The following SPRY3 variants were observed in gnomAD, a reference collection of about 807,000 sequenced individuals.
The protein encoded by SPRY3 is protein sprouty homolog 3.
A neutral mutation model predicts 20.2 loss-of-function variants in SPRY3; 15 were observed. That is an observed-to-expected ratio of 0.74 (90% confidence interval 0.50 to 1.14). The LOEUF (loss-of-function observed/expected upper bound fraction) is 1.14, where lower values mean the gene tolerates loss of function less well. SPRY3 is among the 50% of genes most tolerant of loss of function. SPRY3 has a pLI of 0.00. For synonymous variants in SPRY3, 143 were observed against 136.5 expected, an observed-to-expected ratio of 1.05 and a Z score of -0.33; for missense variants, 364 against 363.9, an observed-to-expected ratio of 1.00 and a Z score of 0.00.
chrX:155,729,554 A>G (rs985823269), intron 2 of SPRY3, among the ~76,000 whole-genome samples: 14 of 152,112 alleles, frequency 9.2e-5, no homozygotes, highest in Non-Finnish European at 2.1e-4. Context: ...TATGAGATAC[A>G]GCAAAAGCAC....
intron 2 of SPRY3, among the ~76,000 whole-genome samples, chrX:155,762,366 C>T (rs1012084406): frequency 1.3e-5 from 2 of 151,944 alleles, no homozygotes; most frequent in African/African-American, 4.8e-5. Context: ...TGATAAATAC[C>T]GTAAGAGAAG....
chrX:155,755,391 C>A (rs1268735614), intron 2 of SPRY3, among the ~76,000 whole-genome samples: 2 of 152,066 alleles, frequency 1.3e-5, no homozygotes, highest in Admixed American at 1.3e-4. Context: ...TAGACATTAA[C>A]CCTAATGTAG....
At chrX:155,751,718 A>G (rs1363023941) in intron 2 of SPRY3, among the ~76,000 whole-genome samples, 11 of 97,478 alleles carry the variant, frequency 1.1e-4, no homozygotes, top group African/African-American at 7.3e-4. Flanking sequence ...AATTGCCAAA[A>G]TATTTCCCCT....
intron 3 of SPRY3, among the ~76,000 whole-genome samples, chrX:155,771,594 C>A (rs1354140447): frequency 1.3e-5 from 2 of 152,138 alleles, no homozygotes; most frequent in African/African-American, 2.4e-5. Flanking sequence ...AAATCTATTT[C>A]TCATAAATTT....
chrX:155,769,621 G>C (rs1178274753), intron 3 of SPRY3, among the ~76,000 whole-genome samples: 4 of 152,000 alleles, frequency 2.6e-5, no homozygotes, highest in Non-Finnish European at 5.9e-5. Context: ...GAATTCATTT[G>C]GTATTACAAA....
intron 2 of SPRY3, among the ~76,000 whole-genome samples, chrX:155,765,254 T>C (rs1201371995): frequency 6.6e-6 from 1 of 150,822 alleles, no homozygotes; most frequent in African/African-American, 2.5e-5. Context: ...GGTTGGATAC[T>C]GTGGTATAGT....
At chrX:155,770,333 C>T (rs1002249598) in intron 3 of SPRY3, among the ~76,000 whole-genome samples, 14 of 152,154 alleles carry the variant, frequency 9.2e-5, no homozygotes, top group African/African-American at 3.1e-4. Context: ...GGAGAAAATA[C>T]ATTTTCTTTC....
At chrX:155,671,330 G>A (rs920052482) in intron 2 of SPRY3, among the ~76,000 whole-genome samples, 1 of 110,732 alleles carries the variant, frequency 9.0e-6, no homozygotes, top group Non-Finnish European at 1.9e-5. Flanking sequence ...TGATCTCAGA[G>A]GCAAGGAACC....
chrX:155,758,671 A>G (rs1367639363), intron 2 of SPRY3, among the ~76,000 whole-genome samples: 4 of 152,298 alleles, frequency 2.6e-5, no homozygotes, highest in South Asian at 4.2e-4. Flanking sequence ...CCTGGGAGAA[A>G]GAGAATGAGG....
At chrX:155,722,986 A>T (rs1309331699) in intron 2 of SPRY3, among the ~76,000 whole-genome samples, 1 of 147,516 alleles carries the variant, frequency 6.8e-6, no homozygotes, top group East Asian at 2.0e-4. Flanking sequence ...CCTGTGTCCA[A>T]GTGTTCTCAT....
intron 1 of SPRY3, among the ~76,000 whole-genome samples, chrX:155,645,619 A>G (rs904319384): frequency 1.8e-5 from 2 of 112,162 alleles, no homozygotes; most frequent in African/African-American, 3.2e-5. Context: ...GTTCAATGCA[A>G]TGTCTCACAG....
At chrX:155,735,283 GATA>G (rs1368365278) in intron 2 of SPRY3, among the ~76,000 whole-genome samples, 1 of 151,882 alleles carries the variant, frequency 6.6e-6, no homozygotes. Flanking sequence ...GATTTATCTT[GATA>G]AATGTTCCAC....
At chrX:155,708,830 T>A (rs1456153750) in intron 2 of SPRY3, among the ~76,000 whole-genome samples, 2 of 151,416 alleles carry the variant, frequency 1.3e-5, no homozygotes, top group Admixed American at 6.6e-5. Context: ...TGCTATCAAA[T>A]ACTAGAAGTT....
chrX:155,771,660 A>G (rs1290916709), intron 3 of SPRY3, among the ~76,000 whole-genome samples: 8 of 152,170 alleles, frequency 5.3e-5, no homozygotes, highest in Admixed American at 5.2e-4. Context: ...TCCAAGCCAA[A>G]TGAACAATGT....
At chrX:155,647,309 T>G (rs1557351961) in intron 1 of SPRY3, among the ~76,000 whole-genome samples, 2 of 111,376 alleles carry the variant, frequency 1.8e-5, no homozygotes, top group Non-Finnish European at 3.8e-5. Flanking sequence ...TTGTATTTTG[T>G]TTTTTGTTAT....
chrX:155,613,286 C>T (rs2067837674), intron 1 of SPRY3, among the ~76,000 whole-genome samples: 1 of 111,163 alleles, frequency 9.0e-6, no homozygotes, highest in South Asian at 3.8e-4. Flanking sequence ...AGTCATATAC[C>T]GCTCATTACT....
intron 2 of SPRY3, among the ~76,000 whole-genome samples, chrX:155,675,575 T>G (rs782029996): frequency 1.8e-5 from 2 of 111,538 alleles, no homozygotes; most frequent in South Asian, 7.5e-4. Context: ...AGCTGGAATA[T>G]TTTCCACAAT....
intron 2 of SPRY3, among the ~76,000 whole-genome samples, chrX:155,711,711 T>A (rs1265659929): frequency 1.3e-5 from 2 of 151,178 alleles, no homozygotes; most frequent in Non-Finnish European, 3.0e-5. Context: ...TATTTATTTT[T>A]ACTTTATTAT....
chrX:155,728,063 G>T (rs183627684), intron 2 of SPRY3, among the ~76,000 whole-genome samples: 2 of 152,122 alleles, frequency 1.3e-5, no homozygotes, highest in Admixed American at 6.5e-5. Flanking sequence ...CTCAGCTGCC[G>T]GTCTGTTGGA....
Sources: gnomAD v4.1 joint callset for allele counts (sites outside exome capture counted in the v4.1 genomes callset) on GRCh38, gnomAD v4.1.1 for gene constraint, MANE v1.5 for transcripts, NCBI Gene and HGNC (gene_info 2026-07-23, HGNC 2026-07-21) for gene names.